Variants in MYO1H observed in about 807,000 individuals in gnomAD.
MYO1H encodes myosin IH, also known as unconventional myosin-Ih.
MYO1H carries 118 observed loss-of-function variants against 149.3 expected under a neutral mutation model. That is an observed-to-expected ratio of 0.79 (90% confidence interval 0.68 to 0.92). The LOEUF (loss-of-function observed/expected upper bound fraction) is 0.92. Ranked by LOEUF, MYO1H falls within the 40% of genes least tolerant of loss-of-function variation. The pLI is 0.00. For missense variants in MYO1H, 1,212 were observed against 1,280.7 expected, an observed-to-expected ratio of 0.95 and a Z score of 0.82; for synonymous variants, 447 against 465.2, an observed-to-expected ratio of 0.96 and a Z score of 0.50.
chr12:109,383,976 A>T (rs1275868152), intron 1 of MYO1H, among the ~76,000 whole-genome samples: 1 of 152,256 alleles, frequency 6.6e-6, no homozygotes, highest in African/African-American at 2.4e-5. Context: ...AACAGGTCTA[A>T]ACCATCCAAG....
At chr12:109,374,213 A>G (rs970506966) in intron 1 of MYO1H, among the ~76,000 whole-genome samples, 9 of 152,196 alleles carry the variant, frequency 5.9e-5, no homozygotes, top group African/African-American at 1.7e-4. Flanking sequence ...TTCCATTTCT[A>G]TAAGTCATCT....
At chr12:109,368,486 C>T (rs541506271) in intron 1 of MYO1H, among the ~76,000 whole-genome samples, 1 of 152,006 alleles carries the variant, frequency 6.6e-6, no homozygotes, top group Non-Finnish European at 1.5e-5. Flanking sequence ...TGAAACCCAA[C>T]CTCTACTAAA....
At chr12:109,350,881 C>A (rs1359821738) in intron 1 of MYO1H, among the ~76,000 whole-genome samples, 3 of 152,182 alleles carry the variant, frequency 2.0e-5, no homozygotes, top group East Asian at 1.9e-4. Flanking sequence ...TCAATCGTTA[C>A]ATCTTACATA....
the MYO1H span, among the ~76,000 whole-genome samples, chr12:109,332,691 C>T: frequency 6.6e-6 from 1 of 152,224 alleles, no homozygotes; most frequent in Admixed American, 6.5e-5. Flanking sequence ...GATCCTCTTG[C>T]CTCAGCTTCC....
intron 13 of MYO1H, 127 bp from the exon 14 acceptor site, chr12:109,411,767 C>T: frequency 1.6e-6 from 1 of 619,444 alleles, no homozygotes; most frequent in Non-Finnish European, 2.8e-6. Flanking sequence ...CCAGAATGTT[C>T]ACCTGCACTT....
intron 20 of MYO1H, among the ~76,000 whole-genome samples, chr12:109,434,309 G>A (rs986532616): frequency 4.6e-5 from 7 of 151,736 alleles, no homozygotes; most frequent in South Asian, 2.1e-4. Context: ...CGCGCCCAGC[G>A]TGATCTTCTT....
At chr12:109,327,739 CAAAAAAAAAA>C in the MYO1H span, among the ~76,000 whole-genome samples, 36 of 85,650 alleles carry the variant, frequency 4.2e-4, 1 homozygote, top group East Asian at 0.012. Flanking sequence ...AAAACTGTCT[CAAAAAAAAAA>C]AAAAAAAAGA....
chr12:109,353,029 G>C (rs1868496571), intron 1 of MYO1H, among the ~76,000 whole-genome samples: 1 of 152,068 alleles, frequency 6.6e-6, no homozygotes, highest in Non-Finnish European at 1.5e-5. Flanking sequence ...GGTAACATTT[G>C]TTGATGAAAA....
intron 6 of MYO1H, among the ~76,000 whole-genome samples, chr12:109,403,192 C>T (rs1025172113): frequency 1.3e-5 from 2 of 152,128 alleles, no homozygotes; most frequent in African/African-American, 4.8e-5. Flanking sequence ...AATTTTATAT[C>T]GGCCACTTTA....
rs1418409603 is a variant in MYO1H at position 109,397,718 on chromosome 12, C to T, written c.490-14C>T. 1.2e-6 allele frequency: 2 copies of T among 1,605,858 alleles called. No individual in the cohort carries two copies. ...TGAGCTTAAATGACAGTGAATGACACTTTGTATTCCAAGGCTTTTGGAAAT... is the reference window on the plus strand; with the variant it reads ...TGAGCTTAAATGACAGTGAATGACATTTTGTATTCCAAGGCTTTTGGAAAT... On this transcript the variant is annotated splice_polypyrimidine_tract_variant and intron_variant, in intron 4 of 31. Transcript: ENST00000310903.
chr12:109,339,969 A>G, the MYO1H span, among the ~76,000 whole-genome samples: 1 of 152,206 alleles, frequency 6.6e-6, no homozygotes. Flanking sequence ...TAGGAACTCC[A>G]TATCCTACTG....
exon 15 of MYO1H, chr12:109,415,583 C>T (rs1168092937): frequency 1.2e-6 from 2 of 1,606,528 alleles, no homozygotes; most frequent in Admixed American, 1.7e-5. Flanking sequence ...AGTTCCGACT[C>T]CTCCACTATG....
the MYO1H span, among the ~76,000 whole-genome samples, chr12:109,316,484 G>A: frequency 3.3e-5 from 5 of 152,174 alleles, no homozygotes; most frequent in East Asian, 3.8e-4. Context: ...AAACCAGGGC[G>A]TATAAACTTG....
chr12:109,396,391 A>G lies in MYO1H; in HGVS notation c.298A>G (p.Ile100Val), dbSNP rs1470522768. 3 of 1,608,330 alleles carry G rather than the reference A, an allele frequency of 1.9e-6. No homozygotes were observed. Among genetic ancestry groups the G allele is most frequent in the African/African-American group, 1.3e-5 (1 of 74,736 alleles). ...GTCTCACTCCTCCTCCAGCTACGCT[A>G]TAGCCGACAACGCTTACCGAATGAT... The change falls in exon 4 of 32, where the codon ATA becomes GTA. Residue 100 changes from isoleucine to valine, a missense_variant. Physicochemically the swap from Ile to Val is conservative, Grantham distance 29. Coordinates refer to ENST00000310903, the Ensembl canonical transcript of MYO1H.
chr12:109,395,749 AT>A, intron 3 of MYO1H, among the ~76,000 whole-genome samples: 1 of 149,092 alleles, frequency 6.7e-6, no homozygotes, highest in East Asian at 2.0e-4. Flanking sequence ...AAAAAAAAAA[AT>A]TCTCAAATTC....
intron 1 of MYO1H, among the ~76,000 whole-genome samples, chr12:109,372,707 A>T (rs1365800048): frequency 6.6e-6 from 1 of 151,982 alleles, no homozygotes; most frequent in African/African-American, 2.4e-5. Context: ...GTACCTTCTC[A>T]TTAATCTTTT....
intron 2 of MYO1H, 71 bp from the exon 3 acceptor site, chr12:109,393,260 T>G: frequency 1.1e-6 from 1 of 915,120 alleles, no homozygotes; most frequent in Non-Finnish European, 1.8e-6. Flanking sequence ...AATGAACACA[T>G]GGGGATCATC....
At chr12:109,336,618 A>T in the MYO1H span, among the ~76,000 whole-genome samples, 1 of 152,148 alleles carries the variant, frequency 6.6e-6, no homozygotes, top group African/African-American at 2.4e-5. Flanking sequence ...AAAAATAAGG[A>T]CTTTTCTCTC....
intron 30 of MYO1H, 82 bp from the exon 31 acceptor site, chr12:109,445,431 A>G (rs1872438237): frequency 9.9e-7 from 1 of 1,006,082 alleles, no homozygotes. Context: ...GTAGAATTTA[A>G]TAAGTGAATT....
Sources: gnomAD v4.1 joint callset for allele counts (sites outside exome capture counted in the v4.1 genomes callset) on GRCh38, gnomAD v4.1.1 for gene constraint, MANE v1.5 for transcripts, NCBI Gene and HGNC (gene_info 2026-07-23, HGNC 2026-07-21) for gene names.